MAN1A1: variants seen among roughly 807,000 people sequenced by gnomAD.
The protein encoded by MAN1A1 is mannosidase alpha class 1A member 1.
In MAN1A1, 29 loss-of-function variants were observed where a neutral mutation model predicts 70.8. The ratio of observed to expected loss-of-function variants is 0.41; its 90% CI spans 0.31 to 0.56. MAN1A1 has a LOEUF of 0.56. Among genes scored for constraint, MAN1A1 ranks in the 20% least tolerant of loss-of-function variants. The pLI is 0.29. For synonymous variants in MAN1A1, 349 were observed against 330.1 expected, an observed-to-expected ratio of 1.06 and a Z score of -0.62; for missense variants, 747 against 841.3, an observed-to-expected ratio of 0.89 and a Z score of 1.39.
At chr6:119,209,241 A>G (rs961476623) in intron 6 of MAN1A1, among the ~76,000 whole-genome samples, 1 of 152,242 alleles carries the variant, frequency 6.6e-6, no homozygotes, top group East Asian at 1.9e-4. Flanking sequence ...ATGAATATAT[A>G]AACAAAGCAT....
At chr6:119,324,456 G>C (rs1773097026) in intron 2 of MAN1A1, among the ~76,000 whole-genome samples, 1 of 152,096 alleles carries the variant, frequency 6.6e-6, no homozygotes, top group Non-Finnish European at 1.5e-5. Flanking sequence ...CTGCATGAGG[G>C]GTTGGTGCCC....
chr6:119,220,136 A>G (rs1313077010), intron 6 of MAN1A1, among the ~76,000 whole-genome samples: 4 of 152,160 alleles, frequency 2.6e-5, no homozygotes, highest in African/African-American at 9.6e-5. Context: ...AAAGACTACC[A>G]TAGAAATCTT....
At chr6:119,196,336 A>C (rs867502931) in intron 8 of MAN1A1, among the ~76,000 whole-genome samples, 10 of 151,994 alleles carry the variant, frequency 6.6e-5, no homozygotes, top group Middle Eastern at 6.8e-3. Flanking sequence ...AAAAAAAAAA[A>C]AACAAGACAA....
chr6:119,224,827 C>A (rs1038304987), intron 6 of MAN1A1, among the ~76,000 whole-genome samples: 1 of 152,088 alleles, frequency 6.6e-6, no homozygotes, highest in African/African-American at 2.4e-5. Flanking sequence ...GAAGATATCA[C>A]TAAAAATAAT....
At chr6:119,212,659 T>A (rs1387762440) in intron 6 of MAN1A1, among the ~76,000 whole-genome samples, 1 of 152,150 alleles carries the variant, frequency 6.6e-6, no homozygotes, top group Non-Finnish European at 1.5e-5. Flanking sequence ...GGAAAAACAG[T>A]TTTTGGAAAA....
intron 6 of MAN1A1, among the ~76,000 whole-genome samples, chr6:119,227,242 T>C (rs1319421950): frequency 6.6e-6 from 1 of 152,216 alleles, no homozygotes; most frequent in African/African-American, 2.4e-5. Context: ...GACAGCAACA[T>C]ATCAGTGGTT....
At chr6:119,241,944 ATGTATGTGTGTGTG>A (rs1562207182) in intron 6 of MAN1A1, among the ~76,000 whole-genome samples, 3 of 146,070 alleles carry the variant, frequency 2.1e-5, no homozygotes, top group Non-Finnish European at 4.5e-5. Flanking sequence ...GTGTGTGTGT[ATGTATGTGTGTGTG>A]TGTGTGTGTG....
intron 2 of MAN1A1, among the ~76,000 whole-genome samples, chr6:119,326,023 T>G (rs1269369022): frequency 6.6e-6 from 1 of 152,196 alleles, no homozygotes; most frequent in African/African-American, 2.4e-5. Flanking sequence ...GACCTGTTGT[T>G]AGGTCCAGGG....
chr6:119,348,507 G>A lies in MAN1A1; in HGVS notation c.559C>T (p.Pro187Ser), dbSNP rs1262648098. 2 of 1,610,492 alleles carry A rather than the reference G, an allele frequency of 1.2e-6. No individual in the cohort carries two copies. Among genetic ancestry groups the A allele is most frequent in the Non-Finnish European group, 1.7e-6 (2 of 1,178,288 alleles). ...TTCTCGCGGATGGCGGCGTCGGCGGGCTCCCGGCTCTCCACCCCGATTGGG... is the reference window on the plus strand; with the variant it reads ...TTCTCGCGGATGGCGGCGTCGGCGGACTCCCGGCTCTCCACCCCGATTGGG... Reference protein sequence around the residue: ...VPPIGVESREPADAAIREKRA... With the variant: ...VPPIGVESRESADAAIREKRA... The change falls in exon 2 of 13, where the codon CCC becomes TCC. Residue 187 changes from proline (P) to serine (S), a missense_variant. By Grantham distance (74) the Pro-to-Ser change is moderately conservative. Transcript: ENST00000368468.
chr6:119,220,722 T>C (rs2114256899), intron 6 of MAN1A1, among the ~76,000 whole-genome samples: 1 of 152,320 alleles, frequency 6.6e-6, no homozygotes, highest in East Asian at 1.9e-4. Context: ...CTGACTAGTT[T>C]AACAATGTGT....
Position 119,180,413 on chromosome 6 carries a change from ATGG to A in MAN1A1, c.1731_1733del (p.His578del). The A allele has an allele frequency of 6.2e-7, 1 of 1,605,122 alleles. No individual in the cohort carries two copies. On this transcript the variant is annotated inframe_deletion, in exon 12 of 13. Transcript: ENST00000368468. ...CTGAATAGCCTCCATTCACTCTGCA[ATGG>A]TTTTCCAAGGCCTAAATTATAGAGG...
chr6:119,345,880 G>T (rs1390661868), intron 2 of MAN1A1, among the ~76,000 whole-genome samples: 1 of 152,192 alleles, frequency 6.6e-6, no homozygotes, highest in Admixed American at 6.5e-5. Context: ...AGGCCAGGCA[G>T]GTCGATCACT....
At chr6:119,298,599 C>CT (rs747748603) in intron 4 of MAN1A1, among the ~76,000 whole-genome samples, 1,528 of 137,976 alleles carry the variant, frequency 0.011, 75 homozygotes, top group Admixed American at 0.086. Context: ...ATTAACTTTT[C>CT]TTTTTTTTTT....
chr6:119,345,279 T>C (rs939025318), intron 2 of MAN1A1, among the ~76,000 whole-genome samples: 11 of 152,246 alleles, frequency 7.2e-5, no homozygotes, highest in Admixed American at 3.3e-4. Flanking sequence ...AAAACTTCCA[T>C]GCTGCTATTT....
intron 11 of MAN1A1, among the ~76,000 whole-genome samples, chr6:119,185,637 C>T (rs1171613323): frequency 1.3e-5 from 2 of 152,080 alleles, no homozygotes; most frequent in South Asian, 2.1e-4. Context: ...AGTGCAGTGG[C>T]GTGATCTCGG....
At position 119,348,702 on chromosome 6, in the gene MAN1A1, C is replaced by A; in HGVS notation, c.364G>T (p.Ala122Ser). The A allele has an allele frequency of 1.2e-6, 2 of 1,607,208 alleles. No individual in the cohort carries two copies. The highest frequency in any genetic ancestry group is 1.7e-6 in the Non-Finnish European group (2 of 1,177,298). Residue 122 changes from alanine (A) to serine (S), a missense_variant, in exon 2 of 13, where the codon GCC (alanine) becomes TCC (serine). Ala to Ser is a moderately conservative substitution (Grantham distance 99). Around this residue, in one of 2 missense-constraint regions of MAN1A1, gnomAD observed 328 missense variants for 293.1 expected, o/e 1.12. Transcript: ENST00000368468. ...CGCTCGTGGTTTTCGCGGATCCTGG[C>A]CAAGTTGTCCTCCAGGGCGGCCTCC... ...DPEAALEDNLARIRENHERAL... is the reference protein window; with the variant it reads ...DPEAALEDNLSRIRENHERAL...
At chr6:119,332,688 G>A (rs2114495690) in intron 2 of MAN1A1, among the ~76,000 whole-genome samples, 1 of 151,226 alleles carries the variant, frequency 6.6e-6, no homozygotes, top group South Asian at 2.1e-4. Context: ...GTGGTGGCGG[G>A]CACCTGTAAT....
At chr6:119,231,739 C>T (rs928780399) in intron 6 of MAN1A1, among the ~76,000 whole-genome samples, 3 of 152,094 alleles carry the variant, frequency 2.0e-5, no homozygotes, top group Admixed American at 6.5e-5. Context: ...TATAGTTTCA[C>T]GTTTGATCAC....
At chr6:119,297,797 TTG>T (rs1562231312) in intron 4 of MAN1A1, among the ~76,000 whole-genome samples, 14 of 122,644 alleles carry the variant, frequency 1.1e-4, no homozygotes, top group Non-Finnish European at 2.0e-4. Flanking sequence ...TGGAGTTTTT[TTG>T]TTTTGTTTTG....
Sources: allele counts gnomAD v4.1 joint callset (sites outside exome capture counted in the v4.1 genomes callset), GRCh38; gene constraint gnomAD v4.1.1; regional missense constraint gnomAD v4.1.1; transcripts MANE v1.5; gene names NCBI Gene and HGNC (gene_info 2026-07-23, HGNC 2026-07-21).